MCC: variants seen among roughly 807,000 people sequenced by gnomAD.
The protein encoded by MCC is MCC regulator of Wnt signaling pathway.
MCC carries 90 observed loss-of-function variants against 116.2 expected under a neutral mutation model. That is an observed-to-expected ratio of 0.77 (90% confidence interval 0.65 to 0.92). The LOEUF (loss-of-function observed/expected upper bound fraction) is 0.92, where lower values mean the gene tolerates loss of function less well. Among genes scored for constraint, MCC ranks in the 40% least tolerant of loss-of-function variants. The pLI, the probability that MCC is intolerant of heterozygous loss-of-function variation, is 0.00. For synonymous variants in MCC, 578 were observed against 510.5 expected, an observed-to-expected ratio of 1.13 and a Z score of -1.78; for missense variants, 1,516 against 1,312.2, an observed-to-expected ratio of 1.16 and a Z score of -2.40.
intron 1 of MCC, among the ~76,000 whole-genome samples, chr5:113,407,186 T>C (rs572718814): frequency 6.6e-6 from 1 of 152,298 alleles, no homozygotes; most frequent in Admixed American, 6.5e-5. Flanking sequence ...ATCCTCTTAA[T>C]AAACATGCAA....
chr5:113,266,017 T>C lies in MCC; in HGVS notation c.627+74502A>G, dbSNP rs138640290. Among the ~76,000 whole-genome samples, 194 of 152,192 alleles carry C rather than the reference T, an allele frequency of 1.3e-3. 3 individuals carry two copies. In the East Asian group the frequency reaches 0.032, roughly 25 times the overall value. On this transcript the variant is annotated intron_variant, in intron 3 of 18. Coordinates refer to ENST00000408903, the MANE Select transcript of MCC (RefSeq NM_001085377.2). ...TAGGAAGAGAGACAGTAAGTCTCCT[T>C]CCAAAGACAAGGCTAATAAGACCCT...
chr5:113,222,142 T>G (rs1763574742), intron 3 of MCC, among the ~76,000 whole-genome samples: 1 of 152,236 alleles, frequency 6.6e-6, no homozygotes, highest in African/African-American at 2.4e-5. Context: ...GAATGCATGT[T>G]ACATTTTGTC....
At chr5:113,345,230 G>C (rs768152997) in intron 2 of MCC, among the ~76,000 whole-genome samples, 1 of 152,122 alleles carries the variant, frequency 6.6e-6, no homozygotes, top group Admixed American at 6.5e-5. Flanking sequence ...TTGAGGGCCA[G>C]CATAGCCATA....
At chr5:113,115,153 A>C (rs1218474198) in intron 6 of MCC, among the ~76,000 whole-genome samples, 1 of 152,176 alleles carries the variant, frequency 6.6e-6, no homozygotes, top group Non-Finnish European at 1.5e-5. Context: ...GCTGGTGCTC[A>C]AAAGCACTTG....
chr5:113,360,522 T>A (rs1768520296), intron 2 of MCC, among the ~76,000 whole-genome samples: 1 of 152,238 alleles, frequency 6.6e-6, no homozygotes, highest in Non-Finnish European at 1.5e-5. Context: ...TTTTTGAATG[T>A]TAGGTAGACG....
intron 3 of MCC, among the ~76,000 whole-genome samples, chr5:113,245,970 G>A (rs1764559727): frequency 6.6e-6 from 1 of 152,168 alleles, no homozygotes; most frequent in South Asian, 2.1e-4. Flanking sequence ...TACTTCAGAG[G>A]TTTCAGAAAA....
chr5:113,106,637 A>G (rs900512766), intron 6 of MCC, among the ~76,000 whole-genome samples: 2 of 152,118 alleles, frequency 1.3e-5, no homozygotes, highest in African/African-American at 4.8e-5. Flanking sequence ...CTAGCTCACT[A>G]AAGCTTTAAA....
At chr5:113,080,123 G>C (rs999952423) in intron 11 of MCC, among the ~76,000 whole-genome samples, 2 of 152,194 alleles carry the variant, frequency 1.3e-5, no homozygotes, top group South Asian at 2.1e-4. Flanking sequence ...ACACCAGTTA[G>C]AATGGCAATC....
chr5:113,212,545 TG>T (rs1763171156), intron 3 of MCC, among the ~76,000 whole-genome samples: 1 of 152,240 alleles, frequency 6.6e-6, no homozygotes, highest in Non-Finnish European at 1.5e-5. Context: ...CACACACATT[TG>T]ACAAAAAATG....
chr5:113,064,355 G>A (rs1753442757), intron 13 of MCC, among the ~76,000 whole-genome samples, 188 bp from the exon 14 acceptor site: 1 of 152,248 alleles, frequency 6.6e-6, no homozygotes, highest in Non-Finnish European at 1.5e-5. Flanking sequence ...CTACATGTGG[G>A]AAGGTATTTC....
At chr5:113,085,336 A>C in intron 8 of MCC, 26 bp from the exon 9 acceptor site, 1 of 1,581,738 alleles carries the variant, frequency 6.3e-7, no homozygotes, top group Non-Finnish European at 8.6e-7. Context: ...TTTTAGACAT[A>C]GTTGGTGGTT....
At chr5:113,346,337 C>G (rs948669225) in intron 2 of MCC, among the ~76,000 whole-genome samples, 1 of 152,094 alleles carries the variant, frequency 6.6e-6, no homozygotes, top group Non-Finnish European at 1.5e-5. Flanking sequence ...GTGGCTTATG[C>G]CTGTAATCCC....
chr5:113,145,779 CACACAAACACACACACACACACACACAA>C (rs1461424588), intron 4 of MCC, among the ~76,000 whole-genome samples: 5 of 13,768 alleles, frequency 3.6e-4, no homozygotes, highest in Admixed American at 1.0e-3. Context: ...CACACACACA[CACACAAACACACACACACACACACACAA>C]AAGACCCTGT....
intron 3 of MCC, among the ~76,000 whole-genome samples, chr5:113,210,521 G>A (rs1763093592): frequency 6.6e-6 from 1 of 152,194 alleles, no homozygotes; most frequent in African/African-American, 2.4e-5. Flanking sequence ...AATTGGGATT[G>A]AGAAAGGGAC....
chr5:113,324,165 G>A (rs993443125), intron 3 of MCC, among the ~76,000 whole-genome samples: 1 of 152,084 alleles, frequency 6.6e-6, no homozygotes, highest in South Asian at 2.1e-4. Flanking sequence ...TAGAACCCCA[G>A]AATCCTTTCT....
chr5:113,339,905 C>T (rs1767968979), intron 3 of MCC, among the ~76,000 whole-genome samples: 1 of 152,252 alleles, frequency 6.6e-6, no homozygotes, highest in African/African-American at 2.4e-5. Flanking sequence ...TCAATTTGTA[C>T]TGTCTGCATG....
chr5:113,457,657 A>G (rs1301524791), intron 1 of MCC, among the ~76,000 whole-genome samples: 1 of 151,722 alleles, frequency 6.6e-6, no homozygotes, highest in Non-Finnish European at 1.5e-5. Flanking sequence ...CAGGGATTGT[A>G]AATACACCAA....
Position 113,051,176 on chromosome 5 carries a change from T to C in MCC, c.2449-1877A>G, listed in dbSNP as rs73783203. Among the ~76,000 whole-genome samples the C allele has an allele frequency of 7.3e-3, 1,109 of 152,192 alleles. 13 individuals carry two copies. The highest frequency in any genetic ancestry group is 0.025 in the African/African-American group (1,046 of 41,514). On this transcript the variant is annotated intron_variant, in intron 15 of 18. Coordinates refer to ENST00000408903, the MANE Select transcript of MCC (RefSeq NM_001085377.2). ...AACATAGAACCACTCTGTAGGGACATCTGCAACCCAGGATCCTCAGGGCCC... is the reference window on the plus strand; with the variant it reads ...AACATAGAACCACTCTGTAGGGACACCTGCAACCCAGGATCCTCAGGGCCC...
At position 113,340,633 on chromosome 5, in the gene MCC, C is replaced by T. The variant is rs776475122; in HGVS notation, c.513G>A (p.Leu171=). 14 of 1,614,162 alleles carry T rather than the reference C, an allele frequency of 8.7e-6. No individual in the cohort carries two copies. Among genetic ancestry groups the T allele is most frequent in the Non-Finnish European group, 1.2e-5 (14 of 1,180,012 alleles). ...DVQSQSALQK[L]LEYGGSSLHQ... The stretch of plus-strand genomic sequence containing the variant: ...GCAAAGAGCTTCCGCCATACTCGAG[C>T]AGCTTCTGGAGGGCTGACTGGCTCT... The change falls in exon 3 of 19, where the codon CTG becomes CTA. Residue 171 remains leucine, a synonymous_variant. Transcript: ENST00000408903.
Sources: gnomAD v4.1 joint callset for allele counts (sites outside exome capture counted in the v4.1 genomes callset) on GRCh38, gnomAD v4.1.1 for gene constraint, MANE v1.5 for transcripts, NCBI Gene and HGNC (gene_info 2026-07-23, HGNC 2026-07-21) for gene names.